Variants in SUGP2 observed in about 807,000 individuals in gnomAD.
SUGP2 encodes SURP and G-patch domain containing 2, also known as SURP and G-patch domain-containing protein 2.
In SUGP2, 24 loss-of-function variants were observed where a neutral mutation model predicts 90.5. That is an observed-to-expected ratio of 0.27 (90% CI 0.19 to 0.37). The LOEUF (loss-of-function observed/expected upper bound fraction) is 0.37. SUGP2 is among the 10% of genes least tolerant of loss of function. The probability of loss-of-function intolerance (pLI) is 1.00; values close to 1 mark genes in which losing one functional copy is unlikely to be tolerated. For synonymous variants in SUGP2, 473 were observed against 513.4 expected, an observed-to-expected ratio of 0.92 and a Z score of 1.06; for missense variants, 1,233 against 1,363.3, an observed-to-expected ratio of 0.90 and a Z score of 1.51.
At chr19:19,023,510 T>C (rs2058806653) in intron 3 of SUGP2, among the ~76,000 whole-genome samples, 4 of 152,164 alleles carry the variant, frequency 2.6e-5, no homozygotes, top group Admixed American at 2.0e-4. Flanking sequence ...GACTGGTCTT[T>C]GTGATTTTCT....
At chr19:19,009,776 C>T (rs899769490) in intron 5 of SUGP2, 79 bp downstream of exon 5, 2 of 1,501,768 alleles carry the variant, frequency 1.3e-6, no homozygotes, top group Admixed American at 2.2e-5. Context: ...ATTGCAGGCC[C>T]CCCCAATTCT....
Position 19,004,460 on chromosome 19 carries a change from A to G in SUGP2, c.2637T>C (p.Pro879=), listed in dbSNP as rs769835944. Residue 879 remains proline (P), a synonymous_variant, in exon 7 of 11, where the codon CCT becomes CCC. Coordinates refer to ENST00000452918, the MANE Select transcript of SUGP2 (RefSeq NM_001017392.5). ...EGEAEFEDEP[P]PREAELESPE... ...GGCTCTCCAGCTCAGCCTCCCGCGG[A>G]GGGGGCTCGTCTTCAAACTCTGCTT... is the stretch of plus-strand genomic sequence containing the variant. The G allele has an allele frequency of 7.4e-6, 12 of 1,613,976 alleles. No homozygotes were observed. The highest frequency in any genetic ancestry group is 1.0e-5 in the Non-Finnish European group (12 of 1,179,986).
At chr19:18,995,662 G>A (rs1217030851) in intron 8 of SUGP2, among the ~76,000 whole-genome samples, 1 of 152,168 alleles carries the variant, frequency 6.6e-6, no homozygotes, top group Non-Finnish European at 1.5e-5. Flanking sequence ...GAAGAGTGGG[G>A]GGCACCAGGG....
rs886555081 is a variant in SUGP2, at chr19:19,033,461, AC to A, written c.-37del. ...CCCCGAGACCACCGCGCGCGGAGCC[AC>A]CCCCGCCGCCGCCTCAGGCTCCTCA... On this transcript the variant is annotated 5_prime_UTR_variant, in exon 1 of 11. Transcript: ENST00000452918. The A allele has an allele frequency of 1.1e-5, 16 of 1,394,818 alleles. No individual in the cohort carries two copies. The highest frequency in any genetic ancestry group is 5.8e-5 in the Admixed American group (2 of 34,432). The allele number at this position is 1,394,818 out of a possible 1,614,324, so 86.4% of individuals were successfully genotyped here. A position where few individuals can be genotyped will look rare whatever the true frequency, so the allele number is the denominator to read the frequency against.
At chr19:19,015,617 C>G in intron 4 of SUGP2, among the ~76,000 whole-genome samples, 1 of 152,130 alleles carries the variant, frequency 6.6e-6, no homozygotes, top group East Asian at 1.9e-4. Context: ...GATTCTTGTG[C>G]CTCGGTCTCC....
At chr19:19,011,722 C>T (rs765158919) in intron 4 of SUGP2, among the ~76,000 whole-genome samples, 14 of 151,804 alleles carry the variant, frequency 9.2e-5, no homozygotes, top group South Asian at 2.1e-4. Context: ...TTAAGATGGG[C>T]GTGGTGGCTC....
intron 8 of SUGP2, among the ~76,000 whole-genome samples, chr19:18,996,610 T>C (rs2057602362): frequency 1.3e-5 from 2 of 152,074 alleles, no homozygotes; most frequent in Non-Finnish European, 2.9e-5. Context: ...TGGAGTGCAG[T>C]GATGCAATCT....
Position 19,019,184 on chromosome 19 carries a change from T to A in SUGP2, c.1775A>T (p.Gln592Leu), listed in dbSNP as rs1387453173. The A allele has an allele frequency of 1.9e-6, 3 of 1,614,198 alleles. No individual in the cohort carries two copies. In the Admixed American group the frequency reaches 5.0e-5, roughly 27 times the overall value. ...ADHRVVGTID[Q>L]LVKRVIEGSL... ...GCCTTCGATGACACGTTTCACAAGC[T>A]GGTCGATGGTGCCCACTACCCTGTG... is the stretch of plus-strand genomic sequence containing the variant. Residue 592 changes from glutamine (Q) to leucine (L), a missense_variant, in exon 4 of 11, where the codon CAG becomes CTG. Around this residue, in one of 8 missense-constraint regions of SUGP2, gnomAD observed 540 missense variants for 542.6 expected, o/e 1.00. Coordinates refer to ENST00000452918, the MANE Select transcript of SUGP2 (RefSeq NM_001017392.5).
At chr19:19,019,014 T>C (rs2058608117) in intron 4 of SUGP2, 95 bp downstream of exon 4, 1 of 1,387,410 alleles carries the variant, frequency 7.2e-7, no homozygotes, top group Non-Finnish European at 9.9e-7. Flanking sequence ...CTTGCTCAAG[T>C]ATCTCACCCT....
chr19:19,027,740 C>G (rs143788787), intron 2 of SUGP2, among the ~76,000 whole-genome samples: 1 of 151,926 alleles, frequency 6.6e-6, no homozygotes, highest in Non-Finnish European at 1.5e-5. Flanking sequence ...CAGGTTCAAG[C>G]GATTCTCCTG....
At chr19:18,995,787 C>G (rs765937755) in intron 8 of SUGP2, among the ~76,000 whole-genome samples, 2 of 151,760 alleles carry the variant, frequency 1.3e-5, no homozygotes, top group Non-Finnish European at 2.9e-5. Flanking sequence ...TCCCTGGCTG[C>G]ATTGTCTGTC....
intron 8 of SUGP2, among the ~76,000 whole-genome samples, chr19:19,000,379 C>T (rs2057782036): frequency 6.6e-6 from 1 of 152,190 alleles, no homozygotes; most frequent in South Asian, 2.1e-4. Context: ...CCCACAGCAT[C>T]CCCAGGACTG....
chr19:18,997,171 A>G (rs2057631185), intron 8 of SUGP2, among the ~76,000 whole-genome samples: 1 of 152,114 alleles, frequency 6.6e-6, no homozygotes, highest in Non-Finnish European at 1.5e-5. Context: ...CCCCCTTGCC[A>G]TCTGCATTGA....
chr19:19,024,562 G>T, intron 3 of SUGP2, 57 bp downstream of exon 3: 2 of 1,531,866 alleles, frequency 1.3e-6, no homozygotes, highest in Non-Finnish European at 8.7e-7. Context: ...TCGAATAAAA[G>T]ACATTACCAA....
intron 7 of SUGP2, 54 bp downstream of exon 7, chr19:19,004,114 C>T (rs1430684875): frequency 7.3e-7 from 1 of 1,378,778 alleles, no homozygotes; most frequent in East Asian, 2.3e-5. Context: ...ACTCTCACAG[C>T]CCACCAACCA....
Position 19,025,771 on chromosome 19 carries a change from C to T in SUGP2, c.577G>A (p.Val193Met), listed in dbSNP as rs555049055. ...CLEKESRDYD[V>M]DHPGEADSVL... ...GAGTCAGCCTCCCCAGGATGGTCCA[C>T]GTCATAATCCCGACTCTCCTTCTCC... Residue 193 changes from valine (V) to methionine (M), a missense_variant, in exon 3 of 11, where the codon GTG becomes ATG. By Grantham distance (21) the Val-to-Met change is conservative (BLOSUM62 1). This residue lies in a region of SUGP2 where 418 missense variants were observed against 399.9 expected (regional missense o/e 1.05). Transcript: ENST00000452918. The T allele has an allele frequency of 5.0e-6, 8 of 1,613,972 alleles. No homozygotes were observed. Among genetic ancestry groups the T allele is most frequent in the East Asian group, 4.5e-5 (2 of 44,872 alleles).
At chr19:19,029,015 T>C (rs949426324) in intron 2 of SUGP2, among the ~76,000 whole-genome samples, 2 of 152,046 alleles carry the variant, frequency 1.3e-5, no homozygotes, top group Admixed American at 6.6e-5. Context: ...GTCTCACTCT[T>C]TGGCCCAGGC....
chr19:18,994,481 G>T lies in SUGP2; in HGVS notation c.3134C>A (p.Thr1045Asn). 1 of 1,613,918 alleles carries T rather than the reference G, an allele frequency of 6.2e-7. No homozygotes were observed. The highest frequency in any genetic ancestry group is 8.5e-7 in the Non-Finnish European group (1 of 1,179,912). Residue 1045 changes from threonine (T) to asparagine (N), a missense_variant, in exon 10 of 11, where the codon ACC (threonine) becomes AAC (asparagine). By Grantham distance (65) the Thr-to-Asn change is moderately conservative (BLOSUM62 0). Transcript: ENST00000452918. ...KGIREPVSVG[T>N]PSEGEGLGAD... Reference sequence around the variant, plus strand: ...ACCCAACCCTTCCCCTTCCGAGGGGGTTCCCCTAGGGAGTGAAAAAGAGAG... The same window carrying T: ...ACCCAACCCTTCCCCTTCCGAGGGGTTTCCCCTAGGGAGTGAAAAAGAGAG...
chr19:19,030,929 C>G (rs952614871), intron 2 of SUGP2, 22 bp downstream of exon 2: 1 of 1,600,964 alleles, frequency 6.2e-7, no homozygotes, highest in Non-Finnish European at 8.5e-7. Context: ...ACAACAACTA[C>G]AACAACAACA....
Sources: gnomAD v4.1 joint callset for allele counts (sites outside exome capture counted in the v4.1 genomes callset) on GRCh38, gnomAD v4.1.1 for gene constraint, gnomAD v4.1.1 regional missense constraint, MANE v1.5 for transcripts, NCBI Gene and HGNC (gene_info 2026-07-23, HGNC 2026-07-21) for gene names.